CDH12: variants seen among roughly 807,000 people sequenced by gnomAD.
CDH12 encodes cadherin 12.
Under a neutral mutation model 74.1 loss-of-function variants are expected in CDH12, and 41 were observed. The observed-to-expected ratio is 0.55, with a 90% CI of 0.43 to 0.72. CDH12 has a LOEUF of 0.72. Ranked by LOEUF, CDH12 falls within the 30% of genes least tolerant of loss-of-function variation. The pLI is 0.00. For synonymous variants in CDH12, 399 were observed against 355.0 expected (o/e 1.12, Z -1.39); for missense variants, 945 against 977.2 (o/e 0.97, Z 0.44).
Position 22,698,122 on chromosome 5 carries a change from C to CTTTTTTTTT in CDH12, c.-523+154927_-523+154935dup, listed in dbSNP as rs10677695. On this transcript the variant is annotated intron_variant, in intron 1 of 14. Coordinates refer to ENST00000382254, the MANE Select transcript of CDH12 (RefSeq NM_004061.5). Reference sequence around the variant, plus strand: ...CCTTAATGCCCGCATAAAGGCAGGGCTTTTTTTTTTTTTTTTGAGATGGAG... The same window carrying CTTTTTTTTT: ...CCTTAATGCCCGCATAAAGGCAGGGCTTTTTTTTTTTTTTTTTTTTTTTTTGAGATGGAG... 8.8e-3 allele frequency among the ~76,000 whole-genome samples: 805 copies of CTTTTTTTTT among 91,122 alleles called. 94 individuals carry two copies. The highest frequency in any genetic ancestry group is 0.012 in the Non-Finnish European group (586 of 49,464). 59.8% of individuals were successfully genotyped at this position (91,122 alleles called of 152,430 possible).
At chr5:21,807,905 T>G (rs574505058) in intron 9 of CDH12, among the ~76,000 whole-genome samples, 1 of 152,108 alleles carries the variant, frequency 6.6e-6, no homozygotes, top group Non-Finnish European at 1.5e-5. Flanking sequence ...ATTAAGGAGA[T>G]TTTACTTGAG....
chr5:22,029,559 T>A (rs919720952), intron 5 of CDH12, among the ~76,000 whole-genome samples: 19 of 151,848 alleles, frequency 1.3e-4, no homozygotes, highest in African/African-American at 4.3e-4. Flanking sequence ...AAAACCACAA[T>A]GAGATACCAT....
intron 2 of CDH12, among the ~76,000 whole-genome samples, chr5:22,438,800 C>T (rs967810692): frequency 1.3e-5 from 2 of 151,470 alleles, no homozygotes; most frequent in African/African-American, 4.8e-5. Context: ...TACTATAATA[C>T]CTACTTTGGT....
At chr5:22,824,855 A>AAT (rs980435140) in intron 1 of CDH12, among the ~76,000 whole-genome samples, 1 of 151,810 alleles carries the variant, frequency 6.6e-6, no homozygotes, top group East Asian at 1.9e-4. Context: ...ATCCAAAATT[A>AAT]ATATATATGT....
At chr5:21,843,709 C>T (rs2149988465) in intron 7 of CDH12, among the ~76,000 whole-genome samples, 1 of 152,134 alleles carries the variant, frequency 6.6e-6, no homozygotes, top group South Asian at 2.1e-4. Context: ...GATGGGGTGA[C>T]ACCTTTTTAA....
intron 3 of CDH12, among the ~76,000 whole-genome samples, chr5:22,351,423 G>A (rs6894186): frequency 0.27 from 41,065 of 151,910 alleles, 5,600 homozygotes; most frequent in East Asian, 0.35. Flanking sequence ...TATAACAAGC[G>A]GAAAAACAAT....
chr5:22,503,918 G>T (rs1736278004), intron 2 of CDH12, among the ~76,000 whole-genome samples: 6 of 151,942 alleles, frequency 3.9e-5, no homozygotes, highest in Admixed American at 3.3e-4. Flanking sequence ...TACTGAGGTT[G>T]ATATAATCAT....
chr5:21,882,905 A>C (rs535035310), intron 6 of CDH12: 1 of 1,605,182 alleles, frequency 6.2e-7, no homozygotes, highest in South Asian at 1.1e-5. Flanking sequence ...CCAATAACAC[A>C]AATGAAGAAT....
At chr5:22,724,409 A>C (rs1416115388) in intron 1 of CDH12, among the ~76,000 whole-genome samples, 1 of 151,770 alleles carries the variant, frequency 6.6e-6, no homozygotes, top group African/African-American at 2.4e-5. Flanking sequence ...CCGAGTCTCC[A>C]AAGTGCATTA....
At chr5:22,172,755 T>A (rs907887398) in intron 4 of CDH12, among the ~76,000 whole-genome samples, 7 of 151,818 alleles carry the variant, frequency 4.6e-5, no homozygotes, top group African/African-American at 1.7e-4. Flanking sequence ...TTTTCTCTAT[T>A]TTTTAATATT....
chr5:21,893,440 T>G (rs13189811), intron 6 of CDH12, among the ~76,000 whole-genome samples: 3,689 of 152,338 alleles, frequency 0.024, 64 homozygotes, highest in Non-Finnish European at 0.038. Flanking sequence ...ACATATCTCT[T>G]TGTAAGCAGA....
chr5:21,876,951 C>T (rs1751970799), intron 6 of CDH12, among the ~76,000 whole-genome samples: 2 of 152,184 alleles, frequency 1.3e-5, no homozygotes, highest in Non-Finnish European at 1.5e-5. Context: ...CCTGTAACCC[C>T]AGCATTTTGG....
At chr5:22,115,932 C>G (rs186032818) in intron 4 of CDH12, among the ~76,000 whole-genome samples, 1 of 152,038 alleles carries the variant, frequency 6.6e-6, no homozygotes, top group East Asian at 1.9e-4. Context: ...CCTTGTGATC[C>G]GCCTGGCTTG....
chr5:22,272,996 T>C (rs1442271968), intron 3 of CDH12, among the ~76,000 whole-genome samples: 1 of 152,114 alleles, frequency 6.6e-6, no homozygotes, highest in Non-Finnish European at 1.5e-5. Context: ...CAGATGCTTA[T>C]AAAACCATCA....
chr5:22,502,284 TC>T (rs1372904361), intron 2 of CDH12, among the ~76,000 whole-genome samples: 28 of 152,066 alleles, frequency 1.8e-4, no homozygotes, highest in African/African-American at 6.0e-4. Flanking sequence ...AAAGGGATAT[TC>T]CCCTGAATAT....
At chr5:22,057,894 T>C in intron 5 of CDH12, among the ~76,000 whole-genome samples, 1 of 152,144 alleles carries the variant, frequency 6.6e-6, no homozygotes, top group Admixed American at 6.6e-5. Flanking sequence ...GGATTCACAA[T>C]GAAAGTCGCT....
At chr5:22,402,133 G>C (rs911454391) in intron 3 of CDH12, among the ~76,000 whole-genome samples, 1 of 152,184 alleles carries the variant, frequency 6.6e-6, no homozygotes, top group African/African-American at 2.4e-5. Flanking sequence ...AGGTGCTGCT[G>C]TAACAATTAA....
intron 1 of CDH12, among the ~76,000 whole-genome samples, chr5:22,810,516 AT>A (rs1749086150): frequency 6.6e-6 from 1 of 152,144 alleles, no homozygotes; most frequent in African/African-American, 2.4e-5. Flanking sequence ...CCTCAATTTA[AT>A]AAGGAAATGG....
chr5:22,141,499 G>A (rs1359779451), intron 4 of CDH12: 3 of 152,192 alleles, frequency 2.0e-5, no homozygotes, highest in African/African-American at 4.8e-5. Flanking sequence ...GCCTTAGAGA[G>A]GAGGAGGTGG....
Sources: allele counts gnomAD v4.1 joint callset (sites outside exome capture counted in the v4.1 genomes callset), GRCh38; gene constraint gnomAD v4.1.1; transcripts MANE v1.5; gene names NCBI Gene and HGNC (gene_info 2026-07-23, HGNC 2026-07-21).